The following MACROD2 variants were observed in gnomAD, a reference collection of about 807,000 sequenced individuals.
The protein encoded by MACROD2 is ADP-ribose glycohydrolase MACROD2.
A neutral mutation model predicts 70.4 loss-of-function variants in MACROD2; 36 were observed. The ratio of observed to expected loss-of-function variants is 0.51; its 90% CI spans 0.39 to 0.68. The LOEUF is 0.68. Ranked by LOEUF, MACROD2 falls within the 30% of genes least tolerant of loss-of-function variation. The pLI is 0.00. For synonymous variants in MACROD2, 172 were observed against 178.8 expected, an observed-to-expected ratio of 0.96 and a Z score of 0.30; for missense variants, 496 against 538.4, an observed-to-expected ratio of 0.92 and a Z score of 0.78.
At chr20:15,766,719 G>A (rs2051532660) in intron 8 of MACROD2, among the ~76,000 whole-genome samples, 1 of 152,162 alleles carries the variant, frequency 6.6e-6, no homozygotes, top group Admixed American at 6.5e-5. Flanking sequence ...GCGATGATGT[G>A]GAATTTGCAA....
At chr20:15,557,316 A>G (rs542639050) in intron 8 of MACROD2, among the ~76,000 whole-genome samples, 1 of 152,314 alleles carries the variant, frequency 6.6e-6, no homozygotes, top group South Asian at 2.1e-4. Context: ...TAGGACCTCT[A>G]CTTTCTCTTC....
intron 8 of MACROD2, among the ~76,000 whole-genome samples, chr20:15,721,267 A>G (rs2146934807): frequency 6.6e-6 from 1 of 152,298 alleles, no homozygotes; most frequent in East Asian, 1.9e-4. Context: ...ACCCATGAGC[A>G]TATGCAAGAA....
intron 4 of MACROD2, among the ~76,000 whole-genome samples, chr20:14,640,702 A>C (rs931602811): frequency 1.3e-5 from 2 of 152,232 alleles, no homozygotes; most frequent in Admixed American, 6.5e-5. Flanking sequence ...TTCCCAGCGC[A>C]TATGGAATTT....
At chr20:14,823,016 C>T (rs548499241) in intron 5 of MACROD2, among the ~76,000 whole-genome samples, 28 of 152,138 alleles carry the variant, frequency 1.8e-4, no homozygotes, top group Middle Eastern at 3.4e-3. Context: ...AATGGCATGG[C>T]CAAACCATTG....
chr20:15,533,503 C>T (rs537790950), intron 8 of MACROD2, among the ~76,000 whole-genome samples: 44 of 151,940 alleles, frequency 2.9e-4, no homozygotes, highest in African/African-American at 9.9e-4. Context: ...CAAAAAAACC[C>T]TTAGAGATCA....
intron 2 of MACROD2, among the ~76,000 whole-genome samples, chr20:14,070,188 C>T (rs771186173): frequency 1.3e-5 from 2 of 152,120 alleles, no homozygotes; most frequent in South Asian, 2.1e-4. Flanking sequence ...CCAAAAATGA[C>T]GTTGTAAACC....
intron 6 of MACROD2, among the ~76,000 whole-genome samples, chr20:15,264,079 C>G (rs143743457): frequency 6.6e-6 from 1 of 152,144 alleles, no homozygotes; most frequent in Non-Finnish European, 1.5e-5. Flanking sequence ...GAATGACAAT[C>G]TTTGTGCTCA....
At chr20:14,581,998 A>C (rs933375328) in intron 4 of MACROD2, among the ~76,000 whole-genome samples, 1 of 152,178 alleles carries the variant, frequency 6.6e-6, no homozygotes, top group African/African-American at 2.4e-5. Flanking sequence ...ATTAAACGTC[A>C]GTTGCTCACG....
intron 5 of MACROD2, among the ~76,000 whole-genome samples, chr20:14,743,819 A>G (rs1441882737): frequency 6.6e-6 from 1 of 152,174 alleles, no homozygotes; most frequent in Non-Finnish European, 1.5e-5. Flanking sequence ...TCGGGAGATT[A>G]TCTTGAATTG....
chr20:15,763,640 G>A (rs1040499521), intron 8 of MACROD2, among the ~76,000 whole-genome samples: 7 of 151,884 alleles, frequency 4.6e-5, no homozygotes, highest in African/African-American at 1.7e-4. Context: ...TGGAGAACTG[G>A]CCTAATATGG....
intron 5 of MACROD2, among the ~76,000 whole-genome samples, chr20:14,965,924 A>G (rs1290430858): frequency 6.6e-6 from 1 of 152,172 alleles, no homozygotes; most frequent in Non-Finnish European, 1.5e-5. Context: ...ACCAAAATCT[A>G]CAGAGCAAAT....
chr20:15,865,878 A>G (rs1334134895), intron 9 of MACROD2, among the ~76,000 whole-genome samples: 2 of 152,134 alleles, frequency 1.3e-5, no homozygotes, highest in Non-Finnish European at 2.9e-5. Flanking sequence ...AGGCTTTCCC[A>G]TGGGGGTTGT....
At chr20:14,314,692 G>A (rs779290752) in intron 3 of MACROD2, among the ~76,000 whole-genome samples, 25 of 152,042 alleles carry the variant, frequency 1.6e-4, no homozygotes, top group African/African-American at 1.4e-4. Flanking sequence ...CCTGGGAGGC[G>A]GAGGTTGGGG....
At chr20:14,590,114 C>A (rs1981665929) in intron 4 of MACROD2, among the ~76,000 whole-genome samples, 1 of 152,034 alleles carries the variant, frequency 6.6e-6, no homozygotes, top group Non-Finnish European at 1.5e-5. Context: ...TTTGGTAACT[C>A]TTGAGCTATT....
At chr20:15,247,053 T>C (rs1017493278) in intron 6 of MACROD2, among the ~76,000 whole-genome samples, 20 of 152,162 alleles carry the variant, frequency 1.3e-4, no homozygotes, top group Non-Finnish European at 2.9e-4. Context: ...AATCAGGGAA[T>C]GGGGTGTGAC....
At chr20:14,610,627 C>T (rs576100502) in intron 4 of MACROD2, among the ~76,000 whole-genome samples, 86 of 152,092 alleles carry the variant, frequency 5.7e-4, no homozygotes, top group African/African-American at 1.9e-3. Context: ...GGTTGAAATA[C>T]ATATTTTCTT....
chr20:16,035,623 A>G (rs984967171), intron 15 of MACROD2, among the ~76,000 whole-genome samples: 11 of 152,084 alleles, frequency 7.2e-5, no homozygotes, highest in African/African-American at 2.4e-4. Flanking sequence ...TGAATCGATT[A>G]GAAGTGTATT....
chr20:14,890,780 T>A (rs199598918), intron 5 of MACROD2, among the ~76,000 whole-genome samples: 9 of 143,428 alleles, frequency 6.3e-5, no homozygotes, highest in East Asian at 6.2e-4. Context: ...TAATAAAAAT[T>A]AAAAAAAAAA....
chr20:15,504,397 C>T (rs1007485686), intron 8 of MACROD2, among the ~76,000 whole-genome samples: 1 of 151,978 alleles, frequency 6.6e-6, no homozygotes, highest in African/African-American at 2.4e-5. Context: ...GGAGCATTCT[C>T]AAAAGGCTGT....
Sources: allele counts gnomAD v4.1 joint callset (sites outside exome capture counted in the v4.1 genomes callset), GRCh38; gene constraint gnomAD v4.1.1; transcripts MANE v1.5; gene names NCBI Gene and HGNC (gene_info 2026-07-23, HGNC 2026-07-21).